The following DLG2 variants were observed in gnomAD, a reference collection of about 807,000 sequenced individuals.
The protein encoded by DLG2 is disks large homolog 2.
In DLG2, 45 loss-of-function variants were observed where a neutral mutation model predicts 132.5. The observed-to-expected ratio is 0.34, with a 90% CI of 0.27 to 0.44. The LOEUF is 0.44. DLG2 is among the 20% of genes least tolerant of loss of function. The pLI, the probability that DLG2 is intolerant of heterozygous loss-of-function variation, is 1.00. For synonymous variants in DLG2, 424 were observed against 419.6 expected (o/e 1.01, Z -0.13); for missense variants, 1,045 against 1,196.9 (o/e 0.87, Z 1.87).
chr11:84,366,700 C>A (rs1390927889), intron 7 of DLG2, among the ~76,000 whole-genome samples: 3 of 151,964 alleles, frequency 2.0e-5, no homozygotes, highest in Admixed American at 6.6e-5. Context: ...CAACAAAGAT[C>A]AAAAGAGATA....
At chr11:84,400,478 G>T (rs1372028000) in intron 7 of DLG2, among the ~76,000 whole-genome samples, 1 of 152,142 alleles carries the variant, frequency 6.6e-6, no homozygotes, top group Non-Finnish European at 1.5e-5. Flanking sequence ...TCAATTTCCT[G>T]CTCATTTTAG....
At chr11:84,466,522 C>T (rs898001209) in intron 7 of DLG2, among the ~76,000 whole-genome samples, 10 of 151,174 alleles carry the variant, frequency 6.6e-5, no homozygotes, top group East Asian at 5.8e-4. Context: ...AGACAAATGG[C>T]TCCCAAACAT....
intron 15 of DLG2, among the ~76,000 whole-genome samples, chr11:83,907,631 A>T (rs2075266470): frequency 6.6e-6 from 1 of 152,176 alleles, no homozygotes; most frequent in Non-Finnish European, 1.5e-5. Context: ...TAACAGGTTT[A>T]TCCCAGTGCT....
At chr11:84,640,828 T>C (rs925400802) in intron 6 of DLG2, among the ~76,000 whole-genome samples, 1 of 151,950 alleles carries the variant, frequency 6.6e-6, no homozygotes, top group African/African-American at 2.4e-5. Context: ...TAATTCCAGC[T>C]ACTCAGGAGG....
chr11:83,512,074 G>A (rs72946636), intron 21 of DLG2, among the ~76,000 whole-genome samples: 30,054 of 152,026 alleles, frequency 0.2, 3,197 homozygotes, highest in Non-Finnish European at 0.21. Flanking sequence ...AAGCTGGGTG[G>A]GGCAGCTGGA....
chr11:84,245,518 G>T (rs902397785), intron 8 of DLG2, among the ~76,000 whole-genome samples: 1 of 151,928 alleles, frequency 6.6e-6, no homozygotes, highest in Non-Finnish European at 1.5e-5. Flanking sequence ...TTTCCTAGGA[G>T]GGTTTTCCAA....
chr11:84,923,826 T>G (rs1266308515), intron 6 of DLG2, among the ~76,000 whole-genome samples: 1 of 152,208 alleles, frequency 6.6e-6, no homozygotes, highest in Non-Finnish European at 1.5e-5. Flanking sequence ...AAGTACCACC[T>G]TCTCCTACTT....
intron 3 of DLG2, among the ~76,000 whole-genome samples, chr11:85,412,169 C>G (rs1431651032): frequency 6.6e-6 from 1 of 151,796 alleles, no homozygotes; most frequent in African/African-American, 2.4e-5. Flanking sequence ...TGGCCTAAGT[C>G]GGCTCAATAA....
intron 9 of DLG2, among the ~76,000 whole-genome samples, chr11:84,105,591 C>T (rs1196881631): frequency 6.6e-6 from 1 of 152,124 alleles, no homozygotes; most frequent in Admixed American, 6.6e-5. Flanking sequence ...TTTTAACCTA[C>T]ACTGATAATA....
intron 8 of DLG2, among the ~76,000 whole-genome samples, chr11:84,178,736 C>T (rs1376869527): frequency 6.7e-6 from 1 of 148,980 alleles, no homozygotes; most frequent in African/African-American, 2.5e-5. Context: ...ACAACAACAA[C>T]AAAAAAGAAA....
chr11:84,205,854 A>G (rs1425710702), intron 8 of DLG2, among the ~76,000 whole-genome samples: 1 of 152,138 alleles, frequency 6.6e-6, no homozygotes, highest in Non-Finnish European at 1.5e-5. Context: ...AGTCAGTGAA[A>G]TAGAAAGCAA....
intron 18 of DLG2, among the ~76,000 whole-genome samples, chr11:83,747,326 T>TCCTTCCTTCCTTCCTG (rs2092993398): frequency 2.1e-5 from 2 of 97,068 alleles, no homozygotes; most frequent in Non-Finnish European, 4.7e-5. Context: ...CTTCCTTCCT[T>TCCTTCCTTCCTTCCTG]CCTGCCTTCC....
At chr11:85,256,780 C>T (rs2076691389) in intron 4 of DLG2, among the ~76,000 whole-genome samples, 1 of 151,940 alleles carries the variant, frequency 6.6e-6, no homozygotes, top group African/African-American at 2.4e-5. Context: ...TATACTTTGG[C>T]CATTAAAAAA....
rs114481338 is a variant in DLG2, at chr11:85,271,689, C to A, written c.186+13531G>T. ...AGACATGAAGTCAAAGAATATCAAT[C>A]TGGAGCTTTAAGATTTGACTGCACT... On this transcript the variant is annotated intron_variant, in intron 4 of 27. Transcript: ENST00000376104. Among the ~76,000 whole-genome samples the A allele has an allele frequency of 1.7e-3, 260 of 152,354 alleles. 2 individuals are homozygous for A. The highest frequency in any genetic ancestry group is 6.0e-3 in the African/African-American group (251 of 41,584).
rs115717806 is a variant in DLG2 at position 83,743,721 on chromosome 11, A to G, written c.1825+42969T>C. 3.4e-3 allele frequency among the ~76,000 whole-genome samples: 518 copies of G among 152,170 alleles called. 1 individual carries two copies. The highest frequency in any genetic ancestry group is 8.0e-3 in the African/African-American group (330 of 41,500). On this transcript the variant is annotated intron_variant, in intron 18 of 27. Transcript: ENST00000376104. ...TGTGGGGAGATTACAGGCATGAGTG[A>G]CTGCTCCTAGCCATGGACAGGCTAC...
intron 6 of DLG2, among the ~76,000 whole-genome samples, chr11:85,049,576 A>G (rs1394018331): frequency 1.3e-5 from 2 of 152,226 alleles, no homozygotes; most frequent in African/African-American, 4.8e-5. Flanking sequence ...TAGGTTCTCA[A>G]TAAACATGTG....
intron 7 of DLG2, among the ~76,000 whole-genome samples, chr11:84,307,868 G>A (rs879354742): frequency 1.8e-4 from 27 of 151,916 alleles, no homozygotes; most frequent in Non-Finnish European, 3.4e-4. Context: ...GGACCTTCGC[G>A]GTGAGTGTTA....
intron 6 of DLG2, among the ~76,000 whole-genome samples, chr11:84,866,433 G>A (rs11823749): frequency 0.013 from 1,942 of 152,298 alleles, 51 homozygotes; most frequent in African/African-American, 0.043. Flanking sequence ...TACAAGCAAT[G>A]TTACACTGAG....
chr11:85,149,323 T>G (rs938387722), intron 5 of DLG2, among the ~76,000 whole-genome samples: 3 of 152,238 alleles, frequency 2.0e-5, no homozygotes, highest in African/African-American at 7.2e-5. Flanking sequence ...GCATTGAATC[T>G]ATAAAATACT....
Sources: allele counts gnomAD v4.1 joint callset (sites outside exome capture counted in the v4.1 genomes callset), GRCh38; gene constraint gnomAD v4.1.1; transcripts MANE v1.5; gene names NCBI Gene and HGNC (gene_info 2026-07-23, HGNC 2026-07-21).